RTN3: variants seen among roughly 807,000 people sequenced by gnomAD.
RTN3 encodes the protein reticulon 3.
Under a neutral mutation model 77.8 loss-of-function variants are expected in RTN3, and 49 were observed. The observed-to-expected ratio is 0.63, with a 90% CI of 0.50 to 0.80. RTN3 has a LOEUF of 0.80. Ranked by LOEUF, RTN3 falls within the 30% of genes least tolerant of loss-of-function variation. The pLI is 0.00. For synonymous variants in RTN3, 464 were observed against 446.9 expected, an observed-to-expected ratio of 1.04 and a Z score of -0.48; for missense variants, 1,236 against 1,211.9, an observed-to-expected ratio of 1.02 and a Z score of -0.29.
chr11:63,747,865 G>A (rs564279940), intron 3 of RTN3, among the ~76,000 whole-genome samples: 4 of 152,282 alleles, frequency 2.6e-5, no homozygotes, highest in African/African-American at 7.2e-5. Flanking sequence ...TGGAGGCTTG[G>A]AAAGGTTAAA....
At chr11:63,729,829 A>C (rs2134961644) in intron 3 of RTN3, among the ~76,000 whole-genome samples, 1 of 151,798 alleles carries the variant, frequency 6.6e-6, no homozygotes, top group South Asian at 2.1e-4. Flanking sequence ...TCGCTCTGTC[A>C]CCCAGGCTGT....
intron 4 of RTN3, 21 bp downstream of exon 4, chr11:63,750,219 C>A: frequency 1.3e-6 from 2 of 1,584,280 alleles, no homozygotes; most frequent in African/African-American, 1.3e-5. Flanking sequence ...GTCTTAAAAG[C>A]AACATTCTAC....
At chr11:63,757,194 T>C (rs1459699501) in intron 8 of RTN3, among the ~76,000 whole-genome samples, 2 of 152,266 alleles carry the variant, frequency 1.3e-5, no homozygotes, top group African/African-American at 2.4e-5. Context: ...TTGCCAAATC[T>C]CTGTTCCCAT....
At position 63,699,704 on chromosome 11, in the gene RTN3, C is replaced by A. The variant is rs1208354326; in HGVS notation, c.143-5147C>A. Among the ~76,000 whole-genome samples, 3 of 152,204 alleles carry A rather than the reference C, an allele frequency of 2.0e-5. No individual in the cohort carries two copies. In the East Asian group the frequency reaches 5.8e-4, roughly 29 times the overall value. Reference sequence around the variant, plus strand: ...ATGCCTTTCCCTTCCTTGTTCACCTCATGAACTTAAATCTTTAAAACCAAG... The same window carrying A: ...ATGCCTTTCCCTTCCTTGTTCACCTAATGAACTTAAATCTTTAAAACCAAG... On this transcript the variant is annotated intron_variant, in intron 1 of 8. Transcript: ENST00000377819.
intron 1 of RTN3, among the ~76,000 whole-genome samples, chr11:63,685,311 A>G (rs1024136229): frequency 1.3e-5 from 2 of 151,560 alleles, no homozygotes; most frequent in Non-Finnish European, 2.9e-5. Context: ...CCTGAACAAC[A>G]TGGTGGAACC....
rs769156906 is a variant in RTN3, at chr11:63,719,079, A to T, written c.577A>T (p.Arg193Trp). 3 of 1,614,194 alleles carry T rather than the reference A, an allele frequency of 1.9e-6. No homozygotes were observed. The highest frequency in any genetic ancestry group is 2.5e-6 in the Non-Finnish European group (3 of 1,180,030). Reference sequence around the variant, plus strand: ...CAAGAACCCAAATGGGGTATCAAGTAGGGAGGCTAAAACTGCATTGGATGC... The same window carrying T: ...CAAGAACCCAAATGGGGTATCAAGTTGGGAGGCTAAAACTGCATTGGATGC... ...ETKNPNGVSSREAKTALDADD... is the reference protein window; with the variant it reads ...ETKNPNGVSSWEAKTALDADD... The change falls in exon 3 of 9, where the codon AGG becomes TGG. Residue 193 changes from arginine to tryptophan, a missense_variant. Physicochemically the swap from Arg to Trp is moderately radical, Grantham distance 101 (BLOSUM62 -3). Transcript: ENST00000377819.
At chr11:63,743,181 A>C (rs2013588764) in intron 3 of RTN3, among the ~76,000 whole-genome samples, 1 of 152,214 alleles carries the variant, frequency 6.6e-6, no homozygotes, top group Admixed American at 6.5e-5. Flanking sequence ...GATTACAGGC[A>C]TGAGCCACCG....
Position 63,750,027 on chromosome 11 carries a change from C to A in RTN3, c.2567C>A (p.Thr856Asn). 6.2e-7 allele frequency: 1 copy of A among 1,613,886 alleles called. No homozygotes were observed. The highest frequency in any genetic ancestry group is 8.5e-7 in the Non-Finnish European group (1 of 1,179,820). ...ATTTTCTGGAGAGATGTGAAGAAGACTGGGTTTGTCTTTGGCACCACGCTG... is the reference window on the plus strand; with the variant it reads ...ATTTTCTGGAGAGATGTGAAGAAGAATGGGTTTGTCTTTGGCACCACGCTG... ...DLIFWRDVKK[T>N]GFVFGTTLIM... The change falls in exon 4 of 9, where the codon ACT becomes AAT. Residue 856 changes from threonine (T) to asparagine (N), a missense_variant. Physicochemically the swap from Thr to Asn is moderately conservative, Grantham distance 65 (BLOSUM62 0). Transcript: ENST00000377819.
intron 8 of RTN3, among the ~76,000 whole-genome samples, chr11:63,756,624 C>T (rs1245715316): frequency 1.6e-4 from 25 of 152,174 alleles, no homozygotes; most frequent in Non-Finnish European, 4.4e-5. Context: ...TTTTTGGAGA[C>T]AGGGTCTTGC....
At chr11:63,732,821 AATAC>A (rs1324376395) in intron 3 of RTN3, among the ~76,000 whole-genome samples, 1 of 152,218 alleles carries the variant, frequency 6.6e-6, no homozygotes, top group African/African-American at 2.4e-5. Context: ...TGTCATATAT[AATAC>A]ATATGTATAG....
rs192820073 is a variant in RTN3, at chr11:63,741,397, T to A, written c.2531-8594T>A. On this transcript the variant is annotated intron_variant, in intron 3 of 8. Coordinates refer to ENST00000377819, the MANE Select transcript of RTN3 (RefSeq NM_001265589.2). Reference sequence around the variant, plus strand: ...TTGTATTTTTAGTAGAGAGGGGGTTTCACCATGTTGGCCAGGCTGTTCCCA... The same window carrying A: ...TTGTATTTTTAGTAGAGAGGGGGTTACACCATGTTGGCCAGGCTGTTCCCA... 2.6e-3 allele frequency among the ~76,000 whole-genome samples: 393 copies of A among 151,766 alleles called. 1 individual carries two copies. The highest frequency in any genetic ancestry group is 4.0e-3 in the Non-Finnish European group (269 of 67,860).
chr11:63,712,566 A>G (rs995125603), intron 2 of RTN3, among the ~76,000 whole-genome samples: 4 of 148,030 alleles, frequency 2.7e-5, no homozygotes, highest in Non-Finnish European at 4.4e-5. Flanking sequence ...GCTCACCGCA[A>G]TTTCCACCTC....
chr11:63,750,278 TGACTAAAA>T, intron 4 of RTN3, 80 bp downstream of exon 4: 1 of 1,198,746 alleles, frequency 8.3e-7, no homozygotes, highest in Non-Finnish European at 1.2e-6. Flanking sequence ...AACTCAGACC[TGACTAAAA>T]ATCAAGAATT....
intron 2 of RTN3, among the ~76,000 whole-genome samples, chr11:63,714,859 G>T (rs1381405651): frequency 6.6e-6 from 1 of 152,120 alleles, no homozygotes; most frequent in East Asian, 1.9e-4. Context: ...ATGGTGCTCA[G>T]CAGAGGATGT....
rs11551945 is a variant in RTN3, at chr11:63,681,728, C to G, written c.92C>G (p.Pro31Arg). The G allele has an allele frequency of 6.2e-7, 1 of 1,609,242 alleles. No homozygotes were observed. Among genetic ancestry groups the G allele is most frequent in the Non-Finnish European group, 8.5e-7 (1 of 1,178,484 alleles). Residue 31 changes from proline (P) to arginine (R), a missense_variant, in exon 1 of 9, where the codon CCA becomes CGA. Coordinates refer to ENST00000377819, the MANE Select transcript of RTN3 (RefSeq NM_001265589.2). ...EPSAPGGGGS[P>R]GACPALGTKS... The stretch of plus-strand genomic sequence containing the variant: ...TCCGCGCCCGGCGGCGGCGGGAGCC[C>G]AGGAGCCTGCCCCGCCCTGGGGACG...
Position 63,720,763 on chromosome 11 carries a change from G to C in RTN3, c.2261G>C (p.Arg754Thr). The C allele has an allele frequency of 6.2e-7, 1 of 1,614,154 alleles. No individual in the cohort carries two copies. Among genetic ancestry groups the C allele is most frequent in the Non-Finnish European group, 8.5e-7 (1 of 1,180,022 alleles). ...AAGGCTCTTAAAGAATTAGGTGAAA[G>C]ACAGGTTGAGAAGTCAACTTCTGCA... ...TIKALKELGE[R>T]QVEKSTSAQR... Residue 754 changes from arginine (R) to threonine (T), a missense_variant, in exon 3 of 9, where the codon AGA becomes ACA. Physicochemically the swap from Arg to Thr is moderately conservative, Grantham distance 71. Transcript: ENST00000377819.
chr11:63,750,052 G>C lies in RTN3; in HGVS notation c.2592G>C (p.Leu864=). The part of the protein sequence containing the change: ...KKTGFVFGTT[L]IMLLSLAAFS... ...CTGGGTTTGTCTTTGGCACCACGCT[G>C]ATCATGCTGCTTTCCCTGGCAGCTT... Residue 864 remains leucine (L), a synonymous_variant, in exon 4 of 9, where the codon CTG becomes CTC. Coordinates refer to ENST00000377819, the MANE Select transcript of RTN3 (RefSeq NM_001265589.2). 6.2e-7 allele frequency: 1 copy of C among 1,613,884 alleles called. No homozygotes were observed. The highest frequency in any genetic ancestry group is 1.1e-5 in the South Asian group (1 of 91,060).
chr11:63,753,852 C>A, intron 7 of RTN3, 144 bp downstream of exon 7: 1 of 672,070 alleles, frequency 1.5e-6, no homozygotes, highest in South Asian at 2.4e-5. Flanking sequence ...CTATAAGAAA[C>A]TGGTGGCAGT....
chr11:63,734,896 T>A (rs1310994561), intron 3 of RTN3, among the ~76,000 whole-genome samples: 7 of 152,088 alleles, frequency 4.6e-5, no homozygotes, highest in Non-Finnish European at 8.8e-5. Flanking sequence ...ATTGTTTACA[T>A]AGAAAATCCT....
Sources: allele counts gnomAD v4.1 joint callset (sites outside exome capture counted in the v4.1 genomes callset), GRCh38; gene constraint gnomAD v4.1.1; transcripts MANE v1.5; gene names NCBI Gene and HGNC (gene_info 2026-07-23, HGNC 2026-07-21).